FGR: variants seen among roughly 807,000 people sequenced by gnomAD.
The protein encoded by FGR is FGR proto-oncogene, Src family tyrosine kinase, also known as tyrosine-protein kinase Fgr.
A neutral mutation model predicts 63.2 loss-of-function variants in FGR; 26 were observed. That is an observed-to-expected ratio of 0.41 (90% CI 0.30 to 0.57). The LOEUF (loss-of-function observed/expected upper bound fraction) is 0.57. Ranked by LOEUF, FGR falls within the 20% of genes least tolerant of loss-of-function variation. The pLI is 0.27. For missense variants in FGR, 511 were observed against 690.8 expected (o/e 0.74, Z 2.92); for synonymous variants, 286 against 277.7 (o/e 1.03, Z -0.30).
rs1462705158 is a variant in FGR at position 27,615,889 on chromosome 1, C to G, written c.683-45G>C. 6.6e-7 allele frequency: 1 copy of G among 1,508,642 alleles called. No homozygotes were observed. The allele number at this position is 1,508,642 out of a possible 1,614,324, so 93.5% of individuals were successfully genotyped here. A position where few individuals can be genotyped will look rare whatever the true frequency, so the allele number is the denominator to read the frequency against. On this transcript the variant is annotated intron_variant, in intron 7 of 12. Transcript: ENST00000374005. The surrounding 1 kb of genome is among the most constrained non-coding windows in gnomAD (Gnocchi z 7.6). ...GTAGAGTCACAGGTGGGCCAGGACACCCCCCTCCACTCCTTATCCTATCCC... is the reference window on the plus strand; with the variant it reads ...GTAGAGTCACAGGTGGGCCAGGACAGCCCCCTCCACTCCTTATCCTATCCC...
rs375915339 is a variant in FGR at position 27,617,148 on chromosome 1, A to G, written c.532+45T>C. 227 of 1,598,776 alleles carry G rather than the reference A, an allele frequency of 1.4e-4. 4 individuals are homozygous for G. The South Asian group carries it at 1.9e-3, about 14-fold the overall frequency. On this transcript the variant is annotated intron_variant, in intron 6 of 12. Coordinates refer to ENST00000374005, the MANE Select transcript of FGR (RefSeq NM_005248.3). This position sits in a 1 kb window ranked among gnomAD's most constrained non-coding sequence, Gnocchi z 4.5. ...GCCTACCGCTCCTAGCCCTACCCCA[A>G]TGGCTGGGCCTCCCAGTCGCCTTGG...
At chr1:27,627,691 C>T (rs1335774468) in intron 1 of FGR, among the ~76,000 whole-genome samples, 1 of 152,146 alleles carries the variant, frequency 6.6e-6, no homozygotes, top group African/African-American at 2.4e-5. Flanking sequence ...TCACTGCAAC[C>T]TCCGCCTCCT....
intron 5 of FGR, among the ~76,000 whole-genome samples, chr1:27,620,133 A>G (rs970383974): frequency 1.8e-4 from 27 of 152,116 alleles, no homozygotes; most frequent in Admixed American, 6.6e-4. Flanking sequence ...CCTGGCCAAC[A>G]TCGTGAAACC....
At chr1:27,621,006 A>G (rs2089912003) in intron 5 of FGR, among the ~76,000 whole-genome samples, 1 of 149,312 alleles carries the variant, frequency 6.7e-6, no homozygotes, top group African/African-American at 2.5e-5. Flanking sequence ...AAAAAAAAAA[A>G]AAAAAAAAAA....
chr1:27,630,177 T>A (rs947109087), intron 1 of FGR, among the ~76,000 whole-genome samples: 4 of 152,106 alleles, frequency 2.6e-5, no homozygotes, highest in Non-Finnish European at 5.9e-5. Context: ...CTCAGCCTCC[T>A]GAGTAGCTGG....
intron 1 of FGR, among the ~76,000 whole-genome samples, chr1:27,628,171 C>CAAAAAAAAAA (rs1371903594): frequency 1.2e-5 from 1 of 86,392 alleles, no homozygotes; most frequent in Non-Finnish European, 2.5e-5. Flanking sequence ...AGCTCTGTCT[C>CAAAAAAAAAA]AAAAAAAAAA....
At chr1:27,627,888 G>C (rs1227355771) in intron 1 of FGR, among the ~76,000 whole-genome samples, 1 of 152,044 alleles carries the variant, frequency 6.6e-6, no homozygotes, top group African/African-American at 2.4e-5. Context: ...GGATTACAGG[G>C]GTGAGCCACT....
At position 27,623,834 on chromosome 1, in the gene FGR, T is replaced by G. The variant is rs891652600; in HGVS notation, c.83A>C (p.Tyr28Ser). 1.5e-5 allele frequency: 24 copies of G among 1,614,166 alleles called. No homozygotes were observed. Among genetic ancestry groups the G allele is most frequent in the Non-Finnish European group, 1.9e-5 (23 of 1,179,990 alleles). ...AGGCCCATAGTGGTCTGCTGCCCCG[T>G]AGCTTCTGAAGTCCCCTTCCAGGCC... ...DAGLEGDFRS[Y>S]GAADHYGPDP... Residue 28 changes from tyrosine (Y) to serine (S), a missense_variant, in exon 3 of 13, where the codon TAC (tyrosine) becomes TCC (serine). By Grantham distance (144) the Tyr-to-Ser change is moderately radical. Coordinates refer to ENST00000374005, the MANE Select transcript of FGR (RefSeq NM_005248.3).
chr1:27,617,301 TG>T lies in FGR; in HGVS notation c.429-6del. On this transcript the variant is annotated splice_polypyrimidine_tract_variant and splice_region_variant and intron_variant, in intron 5 of 12. Coordinates refer to ENST00000374005, the MANE Select transcript of FGR (RefSeq NM_005248.3). This position sits in a 1 kb window ranked among gnomAD's most constrained non-coding sequence, Gnocchi z 4.5. Reference sequence around the variant, plus strand: ...CCAATCTTTCCAAAGTACCACCTGTTGGGAAAGGCAGGCAAGAGTCAGGTAC... The same window carrying T: ...CCAATCTTTCCAAAGTACCACCTGTTGGAAAGGCAGGCAAGAGTCAGGTAC... 1 of 1,611,570 alleles carries T rather than the reference TG, an allele frequency of 6.2e-7. No homozygotes were observed. Among genetic ancestry groups the T allele is most frequent in the Non-Finnish European group, 8.5e-7 (1 of 1,177,818 alleles).
rs2089971749 is a variant in FGR at position 27,623,750 on chromosome 1, A to G, written c.167T>C (p.Phe56Ser). The G allele has an allele frequency of 6.2e-7, 1 of 1,613,976 alleles. No homozygotes were observed. Among genetic ancestry groups the G allele is most frequent in the Non-Finnish European group, 8.5e-7 (1 of 1,179,996 alleles). The change falls in exon 3 of 13, where the codon TTC becomes TCC. Residue 56 changes from phenylalanine (F) to serine (S), a missense_variant. Transcript: ENST00000374005. ...GCCAGGGTTGATGGCCTGAGAGGAG[A>G]AGTTGCTGTAGTTGGGGATGTGGGC... is the stretch of plus-strand genomic sequence containing the variant. ...SFAHIPNYSN[F>S]SSQAINPGFL... is the part of the protein sequence containing the mutation.
At chr1:27,634,393 G>T (rs1365840822) in intron 1 of FGR, among the ~76,000 whole-genome samples, 1 of 152,192 alleles carries the variant, frequency 6.6e-6, no homozygotes, top group Non-Finnish European at 1.5e-5. Context: ...GCGCCCGGCA[G>T]GAGTCCCCTG....
In FGR at chr1:27,617,336, C is replaced by A; in HGVS notation, c.429-40G>T. ...AGGCAAGAGTCAGGTACGCTCTGCTCAAACCTCACCTCAGCCTCCTGCACA... is the reference window on the plus strand; with the variant it reads ...AGGCAAGAGTCAGGTACGCTCTGCTAAAACCTCACCTCAGCCTCCTGCACA... On this transcript the variant is annotated intron_variant, in intron 5 of 12. Coordinates refer to ENST00000374005, the MANE Select transcript of FGR (RefSeq NM_005248.3). This position sits in a 1 kb window ranked among gnomAD's most constrained non-coding sequence, Gnocchi z 4.5. 2.1e-6 allele frequency: 3 copies of A among 1,444,976 alleles called. No individual in the cohort carries two copies. In the South Asian group the frequency reaches 3.4e-5, roughly 16 times the overall value. 89.5% of individuals were successfully genotyped at this position (1,444,976 alleles called of 1,614,324 possible).
chr1:27,616,756 C>T lies in FGR; in HGVS notation c.682+101G>A, dbSNP rs1022822077. 2 of 1,337,452 alleles carry T rather than the reference C, an allele frequency of 1.5e-6. No individual in the cohort carries two copies. The highest frequency in any genetic ancestry group is 2.9e-5 in the African/African-American group (2 of 69,604). The allele number at this position is 1,337,452 out of a possible 1,614,324, so 82.8% of individuals were successfully genotyped here. On this transcript the variant is annotated intron_variant, in intron 7 of 12. Transcript: ENST00000374005. The surrounding 1 kb of genome is among the most constrained non-coding windows in gnomAD (Gnocchi z 4.3). Reference sequence around the variant, plus strand: ...CCTTGGGTTCTGGTTTCCGTCTGGCCAATACTGCTTGGTAGTCCCTTCCCT... The same window carrying T: ...CCTTGGGTTCTGGTTTCCGTCTGGCTAATACTGCTTGGTAGTCCCTTCCCT...
intron 2 of FGR, 118 bp from the exon 3 acceptor site, chr1:27,624,047 A>C (rs922637297): frequency 1.2e-6 from 1 of 821,422 alleles, no homozygotes; most frequent in Admixed American, 2.9e-5. Flanking sequence ...TCTTGGGCCT[A>C]GATTGGGGTC....
At chr1:27,629,825 A>T (rs1351455245) in intron 1 of FGR, among the ~76,000 whole-genome samples, 2 of 152,200 alleles carry the variant, frequency 1.3e-5, no homozygotes, top group Admixed American at 6.5e-5. Context: ...AGGCACAGAG[A>T]TGTTAAGTAA....
At chr1:27,624,219 T>G (rs1006412054) in intron 2 of FGR, among the ~76,000 whole-genome samples, 5 of 152,240 alleles carry the variant, frequency 3.3e-5, no homozygotes, top group African/African-American at 1.2e-4. Context: ...TGCATATTTT[T>G]GCCTCCTATT....
At chr1:27,628,775 T>C (rs966067821) in intron 1 of FGR, among the ~76,000 whole-genome samples, 1 of 152,108 alleles carries the variant, frequency 6.6e-6, no homozygotes, top group African/African-American at 2.4e-5. Context: ...TATCAGCATC[T>C]GAGAAGGAAG....
Position 27,617,512 on chromosome 1 carries a change from G to A in FGR, c.429-216C>T, listed in dbSNP as rs561500384. ...CCTGCAAAGGTTAGCATCTCTTCTC[G>A]TTAGGTTTCTCTTGAATTAAAATTG... On this transcript the variant is annotated intron_variant, in intron 5 of 12. Transcript: ENST00000374005. The surrounding 1 kb of genome is among the most constrained non-coding windows in gnomAD (Gnocchi z 4.5). Among the ~76,000 whole-genome samples, 21 of 152,254 alleles carry A rather than the reference G, an allele frequency of 1.4e-4. No individual in the cohort carries two copies. The highest frequency in any genetic ancestry group is 3.3e-4 in the Admixed American group (5 of 15,294).
In FGR at chr1:27,614,939, C is replaced by G. The variant is rs2089774921; in HGVS notation, c.1019-13G>C. 1.3e-6 allele frequency: 2 copies of G among 1,589,486 alleles called. No homozygotes were observed. Among genetic ancestry groups the G allele is most frequent in the Admixed American group, 1.7e-5 (1 of 57,508 alleles). ...TCCAGCAAGCTGCCTGGGAAGAAGC[C>G]AGAAAGTCAGCGGCAAAGCCCTACC... On this transcript the variant is annotated splice_polypyrimidine_tract_variant and intron_variant, in intron 9 of 12. Transcript: ENST00000374005.
Sources: gnomAD v4.1 joint callset for allele counts (sites outside exome capture counted in the v4.1 genomes callset) on GRCh38, gnomAD v4.1.1 for gene constraint, Gnocchi (gnomAD v3.1) non-coding constraint, MANE v1.5 for transcripts, NCBI Gene and HGNC (gene_info 2026-07-23, HGNC 2026-07-21) for gene names.